CCDC38: variants seen among roughly 807,000 people sequenced by gnomAD.
CCDC38 encodes coiled-coil domain-containing protein 38.
In CCDC38, 69 loss-of-function variants were observed where a neutral mutation model predicts 72.8. That is an observed-to-expected ratio of 0.95 (90% CI 0.78 to 1.16). The LOEUF (loss-of-function observed/expected upper bound fraction) is 1.16, where lower values mean the gene tolerates loss of function less well. Among genes scored for constraint, CCDC38 ranks in the 50% most tolerant of loss-of-function variants. The pLI is 0.00. For synonymous variants in CCDC38, 201 were observed against 213.2 expected (o/e 0.94, Z 0.50); for missense variants, 626 against 638.9 (o/e 0.98, Z 0.22).
intron 9 of CCDC38, among the ~76,000 whole-genome samples, chr12:95,890,624 T>A (rs1473370649): frequency 2.0e-5 from 3 of 152,182 alleles, no homozygotes; most frequent in Non-Finnish European, 4.4e-5. Flanking sequence ...GCCCTCTTCC[T>A]CTGATTCTCT....
intron 4 of CCDC38, among the ~76,000 whole-genome samples, chr12:95,913,028 G>T (rs776316121): frequency 1.9e-4 from 29 of 152,144 alleles, no homozygotes; most frequent in Non-Finnish European, 3.7e-4. Context: ...TCACACCAAT[G>T]CATTCCAGCC....
At chr12:95,940,909 G>A (rs1336121722) in intron 1 of CCDC38, among the ~76,000 whole-genome samples, 5 of 152,116 alleles carry the variant, frequency 3.3e-5, no homozygotes. Flanking sequence ...AAAACTGGAG[G>A]TCAAGAGGAA....
At chr12:95,925,279 G>A (rs944177784) in intron 2 of CCDC38, among the ~76,000 whole-genome samples, 1 of 152,066 alleles carries the variant, frequency 6.6e-6, no homozygotes, top group African/African-American at 2.4e-5. Flanking sequence ...TGGATTCCTA[G>A]GTATTTTATT....
At chr12:95,902,336 A>G (rs1032782879) in intron 5 of CCDC38, among the ~76,000 whole-genome samples, 2 of 152,166 alleles carry the variant, frequency 1.3e-5, no homozygotes, top group African/African-American at 2.4e-5. Flanking sequence ...ATCACCTCAA[A>G]AAGTCTACTC....
At chr12:95,911,873 C>T (rs1454082232) in intron 4 of CCDC38, among the ~76,000 whole-genome samples, 3 of 152,104 alleles carry the variant, frequency 2.0e-5, no homozygotes, top group Admixed American at 1.3e-4. Context: ...GGGTACCTAC[C>T]TCCCCAAAAA....
At chr12:95,889,521 G>A (rs990570953) in intron 9 of CCDC38, among the ~76,000 whole-genome samples, 1 of 152,102 alleles carries the variant, frequency 6.6e-6, no homozygotes, top group East Asian at 1.9e-4. Context: ...AGCCAAAGTG[G>A]CCTCACAACA....
At chr12:95,874,131 A>G (rs1428951409) in intron 13 of CCDC38, among the ~76,000 whole-genome samples, 2 of 151,772 alleles carry the variant, frequency 1.3e-5, no homozygotes, top group African/African-American at 2.4e-5. Flanking sequence ...ACAGAAAAAT[A>G]TAAAAGAAAA....
chr12:95,869,655 A>T, intron 14 of CCDC38, 82 bp from the exon 15 acceptor site: 2 of 995,660 alleles, frequency 2.0e-6, no homozygotes, highest in Non-Finnish European at 3.1e-6. Flanking sequence ...TTAATGAGCC[A>T]TGTGACTAGA....
At chr12:95,940,954 C>G (rs2080444431) in intron 1 of CCDC38, among the ~76,000 whole-genome samples, 1 of 151,918 alleles carries the variant, frequency 6.6e-6, no homozygotes, top group Admixed American at 6.6e-5. Context: ...ATATACAAGT[C>G]AGATAATGTG....
Position 95,936,390 on chromosome 12 carries a change from C to A in CCDC38, c.37+83G>T. 4 of 1,255,042 alleles carry A rather than the reference C, an allele frequency of 3.2e-6. No individual in the cohort carries two copies. In the Admixed American group the frequency reaches 8.5e-5, roughly 27 times the overall value. The allele number at this position is 1,255,042 out of a possible 1,614,324, so 77.7% of individuals were successfully genotyped here. On this transcript the variant is annotated intron_variant, in intron 2 of 15. Transcript: ENST00000344280. ...CATTTTATATTTATGGTGTAACATT[C>A]TCCTTTTCTTATGCTCACAATCTGT...
At chr12:95,907,926 G>A (rs2080029912) in intron 4 of CCDC38, among the ~76,000 whole-genome samples, 3 of 150,720 alleles carry the variant, frequency 2.0e-5, no homozygotes, top group African/African-American at 4.9e-5. Flanking sequence ...ATGGGATGGC[G>A]GCTGGGCAGA....
intron 14 of CCDC38, among the ~76,000 whole-genome samples, chr12:95,870,994 A>G (rs1192650330): frequency 1.3e-5 from 2 of 152,240 alleles, no homozygotes; most frequent in African/African-American, 2.4e-5. Flanking sequence ...TATGTTGCCT[A>G]AGGTCACAAA....
chr12:95,915,511 C>T (rs1310806964), intron 4 of CCDC38, among the ~76,000 whole-genome samples: 3 of 152,154 alleles, frequency 2.0e-5, no homozygotes, highest in Non-Finnish European at 4.4e-5. Flanking sequence ...TGATGGGCAC[C>T]GAGCAGTTTG....
intron 2 of CCDC38, among the ~76,000 whole-genome samples, chr12:95,922,691 C>T (rs1038013990): frequency 1.3e-5 from 2 of 152,110 alleles, no homozygotes; most frequent in African/African-American, 4.8e-5. Flanking sequence ...TATGTCAAGG[C>T]AGCACATACA....
intron 2 of CCDC38, chr12:95,919,335 A>T: frequency 2.7e-6 from 1 of 365,658 alleles, no homozygotes; most frequent in South Asian, 2.1e-5. Flanking sequence ...CAGTTTGAGC[A>T]CTCAGCAGTG....
intron 2 of CCDC38, among the ~76,000 whole-genome samples, chr12:95,926,520 GT>G: frequency 6.6e-6 from 1 of 152,026 alleles, no homozygotes; most frequent in South Asian, 2.1e-4. Flanking sequence ...TTTTTGAAGG[GT>G]TTTTTGTGTC....
At chr12:95,888,965 A>G (rs968302883) in intron 9 of CCDC38, 7 of 36,960 alleles carry the variant, frequency 1.9e-4, no homozygotes, top group African/African-American at 8.9e-4. Flanking sequence ...AAGAAGGGGA[A>G]AAAAAATGGA....
At chr12:95,916,369 T>TTGCCTGCC (rs200897943) in intron 4 of CCDC38, among the ~76,000 whole-genome samples, 66 of 137,500 alleles carry the variant, frequency 4.8e-4, no homozygotes, top group Non-Finnish European at 7.1e-4. Flanking sequence ...TTTTTTTAAG[T>TTGCCTGCC]TGCCTGCCTG....
At chr12:95,938,450 C>G (rs988592029) in intron 1 of CCDC38, among the ~76,000 whole-genome samples, 2 of 152,178 alleles carry the variant, frequency 1.3e-5, no homozygotes, top group Non-Finnish European at 2.9e-5. Context: ...TTCCCTTTAT[C>G]CTTAAAGTCT....
Sources: gnomAD v4.1 joint callset for allele counts (sites outside exome capture counted in the v4.1 genomes callset) on GRCh38, gnomAD v4.1.1 for gene constraint, MANE v1.5 for transcripts, NCBI Gene and HGNC (gene_info 2026-07-23, HGNC 2026-07-21) for gene names.